Variants in IL17C observed in about 807,000 individuals in gnomAD.
IL17C encodes the protein interleukin 17C.
In IL17C, 13 loss-of-function variants were observed where a neutral mutation model predicts 11.0. That is an observed-to-expected ratio of 1.18 (90% CI 0.77 to 1.88). The LOEUF (loss-of-function observed/expected upper bound fraction) is 1.88, where lower values mean the gene tolerates loss of function less well. Among genes scored for constraint, IL17C ranks in the 40% most tolerant of loss-of-function variants. IL17C has a pLI of 0.00. For missense variants in IL17C, 357 were observed against 278.2 expected, an observed-to-expected ratio of 1.28 and a Z score of -2.01; for synonymous variants, 150 against 125.8, an observed-to-expected ratio of 1.19 and a Z score of -1.29.
Position 88,638,829 on chromosome 16 carries a change from C to T in IL17C, c.7-152C>T, listed in dbSNP as rs140736377. ...GCGCTGGCATGCTGGGTGTCTTGGG[C>T]TGAAGGGCTAGCCTCTCTGGGCTTC... is the stretch of plus-strand genomic sequence containing the variant. On this transcript the variant is annotated intron_variant, in intron 1 of 2. Coordinates refer to ENST00000244241, the MANE Select transcript of IL17C (RefSeq NM_013278.4). The T allele has an allele frequency of 1.3e-5, 15 of 1,179,082 alleles. No individual in the cohort carries two copies. In the East Asian group the frequency reaches 1.9e-4, roughly 15 times the overall value. 73.0% of individuals were successfully genotyped at this position (1,179,082 alleles called of 1,614,324 possible).
chr16:88,639,401 C>T lies in IL17C; in HGVS notation c.335+92C>T, dbSNP rs928391511. 9.0e-5 allele frequency: 114 copies of T among 1,265,350 alleles called. No homozygotes were observed. The highest frequency in any genetic ancestry group is 8.1e-5 in the Non-Finnish European group (76 of 940,856). 78.4% of individuals were successfully genotyped at this position (1,265,350 alleles called of 1,614,324 possible). A position where few individuals can be genotyped will look rare whatever the true frequency, so the allele number is the denominator to read the frequency against. ...GAGAGCTCTCTGGGCCTTGGTGGTT[C>T]TCACCTGTCAAGTGGGCGTGGCCAC... On this transcript the variant is annotated intron_variant, in intron 2 of 2. Coordinates refer to ENST00000244241, the MANE Select transcript of IL17C (RefSeq NM_013278.4). This position sits in a 1 kb window ranked among gnomAD's most constrained non-coding sequence, Gnocchi z 5.1.
At position 88,639,711 on chromosome 16, in the gene IL17C, C is replaced by T; in HGVS notation, c.336-103C>T. On this transcript the variant is annotated intron_variant, in intron 2 of 2. Transcript: ENST00000244241. The surrounding 1 kb of genome is among the most constrained non-coding windows in gnomAD (Gnocchi z 5.1). ...AGCCCGTGTGGCTCAGCCCTCGCTG[C>T]CTCAGGTCCTATCCTGAGTACACGG... 1 of 1,351,318 alleles carries T rather than the reference C, an allele frequency of 7.4e-7. No individual in the cohort carries two copies. Among genetic ancestry groups the T allele is most frequent in the Non-Finnish European group, 9.8e-7 (1 of 1,023,812 alleles). The allele number at this position is 1,351,318 out of a possible 1,614,324, so 83.7% of individuals were successfully genotyped here.
chr16:88,639,919 C>T lies in IL17C; in HGVS notation c.441C>T (p.Asn147=). 6.2e-7 allele frequency: 1 copy of T among 1,610,558 alleles called. No individual in the cohort carries two copies. Among genetic ancestry groups the T allele is most frequent in the African/African-American group, 1.3e-5 (1 of 75,050 alleles). ...CGGGCCGCGAGACAGCTGCGCTCAA[C>T]TCCGTGCGGCTGCTCCAGAGCCTGC... ...ARTGRETAAL[N]SVRLLQSLLV... is the part of the protein sequence containing the mutation. The change falls in exon 3 of 3, where the codon AAC becomes AAT. Residue 147 remains asparagine, a synonymous_variant. Transcript: ENST00000244241. This position sits in a 1 kb window ranked among gnomAD's most constrained non-coding sequence, Gnocchi z 5.1.
chr16:88,640,051 C>G lies in IL17C; in HGVS notation c.573C>G (p.Cys191Trp), dbSNP rs200368784. The change falls in exon 3 of 3, where the codon TGC (cysteine) becomes TGG (tryptophan). Residue 191 changes from cysteine (C) to tryptophan (W), a missense_variant. Cys to Trp is a radical substitution (Grantham distance 215). Coordinates refer to ENST00000244241, the MANE Select transcript of IL17C (RefSeq NM_013278.4). ...EFIHVPVGCT[C>W]VLPRSV Reference sequence around the variant, plus strand: ...TCCACGTCCCCGTCGGCTGCACCTGCGTGCTGCCCCGTTCAGTGTGACCGC... The same window carrying G: ...TCCACGTCCCCGTCGGCTGCACCTGGGTGCTGCCCCGTTCAGTGTGACCGC... The G allele has an allele frequency of 6.3e-7, 1 of 1,576,790 alleles. No homozygotes were observed. Among genetic ancestry groups the G allele is most frequent in the African/African-American group, 1.3e-5 (1 of 74,400 alleles).
rs1051719261 is a variant in IL17C at position 88,639,115 on chromosome 16, C to T, written c.141C>T (p.Ala47=). Residue 47 remains alanine (A), a synonymous_variant, in exon 2 of 3, where the codon GCC becomes GCT. Transcript: ENST00000244241. This position sits in a 1 kb window ranked among gnomAD's most constrained non-coding sequence, Gnocchi z 5.1. ...CTGAGGAACTGCCCCTCGGCCAGGC[C>T]CCCCCACACCTGCTGGCTCGAGGTG... The part of the protein sequence containing the change: ...YSAEELPLGQ[A]PPHLLARGAK... 3.1e-6 allele frequency: 5 copies of T among 1,612,980 alleles called. No individual in the cohort carries two copies. In the Admixed American group the frequency reaches 5.0e-5, roughly 16 times the overall value.
rs1167886907 is a variant in IL17C at position 88,639,042 on chromosome 16, C to A, written c.68C>A (p.Ser23Tyr). ...ACATGCCTGGCCCACCATGACCCCT[C>A]CCTCAGGGGGCACCCCCACAGTCAC... is the stretch of plus-strand genomic sequence containing the variant. ...LHTCLAHHDP[S>Y]LRGHPHSHGT... is the part of the protein sequence containing the mutation. The change falls in exon 2 of 3, where the codon TCC becomes TAC. Residue 23 changes from serine to tyrosine, a missense_variant. By Grantham distance (144) the Ser-to-Tyr change is moderately radical. Coordinates refer to ENST00000244241, the MANE Select transcript of IL17C (RefSeq NM_013278.4). This position sits in a 1 kb window ranked among gnomAD's most constrained non-coding sequence, Gnocchi z 5.1. 6.2e-7 allele frequency: 1 copy of A among 1,609,340 alleles called. No individual in the cohort carries two copies.
In IL17C at chr16:88,639,262, G is replaced by A. The variant is rs773661379; in HGVS notation, c.288G>A (p.Val96=). The A allele has an allele frequency of 1.2e-6, 2 of 1,611,472 alleles. No individual in the cohort carries two copies. The change falls in exon 2 of 3, where the codon GTG becomes GTA. Residue 96 remains valine, a synonymous_variant. Coordinates refer to ENST00000244241, the MANE Select transcript of IL17C (RefSeq NM_013278.4). The surrounding 1 kb of genome is among the most constrained non-coding windows in gnomAD (Gnocchi z 5.1). ...TQCPVLRPEE[V]LEADTHQRSI... is the part of the protein sequence containing the mutation. ...GCCCGGTGCTGCGGCCGGAGGAGGT[G>A]TTGGAGGCAGACACCCACCAGCGCT...
In IL17C at chr16:88,639,835, C is replaced by A. The variant is rs754635910; in HGVS notation, c.357C>A (p.Arg119=). The A allele has an allele frequency of 1.9e-6, 3 of 1,577,906 alleles. No homozygotes were observed. The highest frequency in any genetic ancestry group is 2.3e-5 in the East Asian group (1 of 42,834). The change falls in exon 3 of 3, where the codon CGC becomes CGA. Residue 119 remains arginine, a synonymous_variant. Transcript: ENST00000244241. This position sits in a 1 kb window ranked among gnomAD's most constrained non-coding sequence, Gnocchi z 5.1. ...WRYRVDTDED[R]YPQKLAFAEC... Reference sequence around the variant, plus strand: ...GCAGTGTGGACACGGATGAGGACCGCTATCCACAGAAGCTGGCCTTCGCCG... The same window carrying A: ...GCAGTGTGGACACGGATGAGGACCGATATCCACAGAAGCTGGCCTTCGCCG...
Position 88,639,777 on chromosome 16 carries a change from G to C in IL17C, c.336-37G>C. The C allele has an allele frequency of 6.7e-7, 1 of 1,499,554 alleles. No homozygotes were observed. Among genetic ancestry groups the C allele is most frequent in the Non-Finnish European group, 8.9e-7 (1 of 1,120,552 alleles). The allele number at this position is 1,499,554 out of a possible 1,614,324, so 92.9% of individuals were successfully genotyped here. ...GGAGAGGGGCCTCCAGGAGGACAGG[G>C]TAGGGCCAGAGACTCACTGTGCACC... On this transcript the variant is annotated intron_variant, in intron 2 of 2. Transcript: ENST00000244241. The surrounding 1 kb of genome is among the most constrained non-coding windows in gnomAD (Gnocchi z 5.1).
chr16:88,639,735 G>A lies in IL17C; in HGVS notation c.336-79G>A, dbSNP rs923430968. On this transcript the variant is annotated intron_variant, in intron 2 of 2. Transcript: ENST00000244241. The surrounding 1 kb of genome is among the most constrained non-coding windows in gnomAD (Gnocchi z 5.1). ...GCCTCAGGTCCTATCCTGAGTACAC[G>A]GAGAGGGGCCCTGAGGGGAGAGGGG... 3.3e-5 allele frequency: 48 copies of A among 1,434,798 alleles called. No individual in the cohort carries two copies. The highest frequency in any genetic ancestry group is 7.1e-5 in the African/African-American group (5 of 70,274). The allele number at this position is 1,434,798 out of a possible 1,614,324, so 88.9% of individuals were successfully genotyped here. A position where few individuals can be genotyped will look rare whatever the true frequency, so the allele number is the denominator to read the frequency against.
Position 88,639,717 on chromosome 16 carries a change from GTCCTA to G in IL17C, c.336-92_336-88del. ...TGTGGCTCAGCCCTCGCTGCCTCAG[GTCCTA>G]TCCTGAGTACACGGAGAGGGGCCCT... is the stretch of plus-strand genomic sequence containing the variant. On this transcript the variant is annotated intron_variant, in intron 2 of 2. Transcript: ENST00000244241. The surrounding 1 kb of genome is among the most constrained non-coding windows in gnomAD (Gnocchi z 5.1). 2.9e-6 allele frequency: 4 copies of G among 1,391,230 alleles called. No homozygotes were observed. Among genetic ancestry groups the G allele is most frequent in the Non-Finnish European group, 3.8e-6 (4 of 1,055,970 alleles). The allele number at this position is 1,391,230 out of a possible 1,614,324, so 86.2% of individuals were successfully genotyped here.
chr16:88,640,238 G>C lies in IL17C; in HGVS notation c.*166G>C. On this transcript the variant is annotated 3_prime_UTR_variant, in exon 3 of 3. Coordinates refer to ENST00000244241, the MANE Select transcript of IL17C (RefSeq NM_013278.4). ...CCCCCCACTGTTCTCCTCATCTCCA[G>C]CCTCAGTAGTTGGGGGTAGAAGGAG... 6 of 720,042 alleles carry C rather than the reference G, an allele frequency of 8.3e-6. No homozygotes were observed. Among genetic ancestry groups the C allele is most frequent in the Non-Finnish European group, 1.3e-5 (6 of 464,536 alleles). 44.6% of individuals were successfully genotyped at this position (720,042 alleles called of 1,614,324 possible).
chr16:88,640,415 C>T lies in IL17C; in HGVS notation c.*343C>T, dbSNP rs1021848829. The T allele has an allele frequency of 1.6e-4, 50 of 309,486 alleles. No individual in the cohort carries two copies. The highest frequency in any genetic ancestry group is 1.0e-3 in the African/African-American group (47 of 46,748). 19.2% of individuals were successfully genotyped at this position (309,486 alleles called of 1,614,324 possible). ...CTTCCCAACCTCCTTGGAAGTACCCCTGTTTCTTAAACAATTATTTAAGTG... is the reference window on the plus strand; with the variant it reads ...CTTCCCAACCTCCTTGGAAGTACCCTTGTTTCTTAAACAATTATTTAAGTG... On this transcript the variant is annotated 3_prime_UTR_variant, in exon 3 of 3. Coordinates refer to ENST00000244241, the MANE Select transcript of IL17C (RefSeq NM_013278.4).
chr16:88,639,152 C>T lies in IL17C; in HGVS notation c.178C>T (p.Gln60Ter), dbSNP rs753952254. Reference protein sequence around the residue: ...HLLARGAKWGQALPVALVSSL... With the variant: ...HLLARGAKWG ...GCTGGCTCGAGGTGCCAAGTGGGGG[C>T]AGGCTTTGCCTGTAGCCCTGGTGTC... The change falls in exon 2 of 3, where the codon CAG (glutamine) becomes TAG (stop). Residue 60 changes from glutamine (Q) to a stop codon, truncating the protein, a stop_gained. Coordinates refer to ENST00000244241, the MANE Select transcript of IL17C (RefSeq NM_013278.4). LOFTEE classifies it high-confidence loss of function. This position sits in a 1 kb window ranked among gnomAD's most constrained non-coding sequence, Gnocchi z 5.1. 6.2e-7 allele frequency: 1 copy of T among 1,612,952 alleles called. No individual in the cohort carries two copies. The highest frequency in any genetic ancestry group is 8.5e-7 in the Non-Finnish European group (1 of 1,179,948).
chr16:88,640,325 G>A lies in IL17C; in HGVS notation c.*253G>A, dbSNP rs1463509101. ...GGTGTCACACGGCTGCCTGTACCTT[G>A]GCTCCCTGTCCTGCTCCCGGCTTCC... On this transcript the variant is annotated 3_prime_UTR_variant, in exon 3 of 3. Transcript: ENST00000244241. 2.1e-6 allele frequency: 1 copy of A among 468,440 alleles called. No homozygotes were observed. Among genetic ancestry groups the A allele is most frequent in the African/African-American group, 2.0e-5 (1 of 50,314 alleles). The allele number at this position is 468,440 out of a possible 1,614,324, so 29.0% of individuals were successfully genotyped here. A position where few individuals can be genotyped will look rare whatever the true frequency, so the allele number is the denominator to read the frequency against.
Position 88,639,408 on chromosome 16 carries a change from G to A in IL17C, c.335+99G>A. On this transcript the variant is annotated intron_variant, in intron 2 of 2. Coordinates refer to ENST00000244241, the MANE Select transcript of IL17C (RefSeq NM_013278.4). This position sits in a 1 kb window ranked among gnomAD's most constrained non-coding sequence, Gnocchi z 5.1. Reference sequence around the variant, plus strand: ...CTCTGGGCCTTGGTGGTTCTCACCTGTCAAGTGGGCGTGGCCACCTGAGCT... The same window carrying A: ...CTCTGGGCCTTGGTGGTTCTCACCTATCAAGTGGGCGTGGCCACCTGAGCT... 1 of 1,219,768 alleles carries A rather than the reference G, an allele frequency of 8.2e-7. No homozygotes were observed. The highest frequency in any genetic ancestry group is 1.1e-6 in the Non-Finnish European group (1 of 902,022). 75.6% of individuals were successfully genotyped at this position (1,219,768 alleles called of 1,614,324 possible). A position where few individuals can be genotyped will look rare whatever the true frequency, so the allele number is the denominator to read the frequency against.
At position 88,640,179 on chromosome 16, in the gene IL17C, T is replaced by G; in HGVS notation, c.*107T>G. On this transcript the variant is annotated 3_prime_UTR_variant, in exon 3 of 3. Transcript: ENST00000244241. ...TATATGCCTCCCCCAACACTACCCT[T>G]GGGGTCTGGGCATTCCCCGTGTCTG... 3.9e-6 allele frequency: 5 copies of G among 1,286,662 alleles called. No homozygotes were observed. Among genetic ancestry groups the G allele is most frequent in the Non-Finnish European group, 5.3e-6 (5 of 949,080 alleles). The allele number at this position is 1,286,662 out of a possible 1,614,324, so 79.7% of individuals were successfully genotyped here.
In IL17C at chr16:88,639,054, A is replaced by G. The variant is rs200429002; in HGVS notation, c.80A>G (p.His27Arg). Residue 27 changes from histidine to arginine, a missense_variant, in exon 2 of 3, where the codon CAC becomes CGC. By Grantham distance (29) the His-to-Arg change is conservative. Coordinates refer to ENST00000244241, the MANE Select transcript of IL17C (RefSeq NM_013278.4). The surrounding 1 kb of genome is among the most constrained non-coding windows in gnomAD (Gnocchi z 5.1). ...LAHHDPSLRG[H>R]PHSHGTPHCY... ...CACCATGACCCCTCCCTCAGGGGGC[A>G]CCCCCACAGTCACGGTACCCCACAC... 388 of 1,609,710 alleles carry G rather than the reference A, an allele frequency of 2.4e-4. No homozygotes were observed. The highest frequency in any genetic ancestry group is 2.9e-4 in the Non-Finnish European group (344 of 1,177,982).
chr16:88,638,612 C>T lies in IL17C; in HGVS notation c.-30C>T, dbSNP rs1290238697. ...ATTGCCGCCAGGTGTGCAGGCCGCT[C>T]CAAGCCCAGCCTGCCCCGCTGCCGC... On this transcript the variant is annotated 5_prime_UTR_variant, in exon 1 of 3. Coordinates refer to ENST00000244241, the MANE Select transcript of IL17C (RefSeq NM_013278.4). The T allele has an allele frequency of 6.2e-7, 1 of 1,612,148 alleles. No homozygotes were observed. Among genetic ancestry groups the T allele is most frequent in the Non-Finnish European group, 8.5e-7 (1 of 1,179,974 alleles).
Sources: gnomAD v4.1 joint callset for allele counts on GRCh38, gnomAD v4.1.1 for gene constraint, Gnocchi (gnomAD v3.1) non-coding constraint, MANE v1.5 for transcripts, NCBI Gene and HGNC (gene_info 2026-07-23, HGNC 2026-07-21) for gene names.